The following RBM26 variants were observed in gnomAD, a reference collection of about 807,000 sequenced individuals.
The protein encoded by RBM26 is RNA binding motif protein 26.
In RBM26, 30 loss-of-function variants were observed where a neutral mutation model predicts 123.6. The observed-to-expected ratio is 0.24, with a 90% CI of 0.18 to 0.33. The LOEUF (loss-of-function observed/expected upper bound fraction) is 0.33. RBM26 is among the 10% of genes least tolerant of loss of function. The pLI is 1.00. For synonymous variants in RBM26, 400 were observed against 404.4 expected (o/e 0.99, Z 0.13); for missense variants, 947 against 1,203.6 (o/e 0.79, Z 3.15).
chr13:79,375,216 A>T (rs1391605323), intron 3 of RBM26, among the ~76,000 whole-genome samples: 1 of 138,438 alleles, frequency 7.2e-6, no homozygotes. Context: ...CTTGTCACAC[A>T]GGCTGGAGTG....
intron 4 of RBM26, among the ~76,000 whole-genome samples, 169 bp from the exon 5 acceptor site, chr13:79,371,331 G>A (rs1461556200): frequency 6.6e-6 from 1 of 152,104 alleles, no homozygotes; most frequent in East Asian, 1.9e-4. Context: ...CCTTTTAAAT[G>A]AAAAACAATC....
chr13:79,321,407 A>T (rs2067655404), intron 21 of RBM26, among the ~76,000 whole-genome samples: 1 of 151,522 alleles, frequency 6.6e-6, no homozygotes, highest in South Asian at 2.1e-4. Flanking sequence ...CTCTTCAAAC[A>T]AAATGAAGTG....
At chr13:79,329,406 T>C (rs995348117) in intron 20 of RBM26, among the ~76,000 whole-genome samples, 1 of 152,084 alleles carries the variant, frequency 6.6e-6, no homozygotes, top group Non-Finnish European at 1.5e-5. Context: ...GATGGTAACA[T>C]ACTTAATAGT....
chr13:79,398,228 TA>T (rs2078760284), intron 1 of RBM26, among the ~76,000 whole-genome samples: 1 of 152,210 alleles, frequency 6.6e-6, no homozygotes, highest in South Asian at 2.1e-4. Context: ...TCTTACAAGC[TA>T]TTTAGCTCAA....
chr13:79,396,288 T>C (rs1456815119), intron 1 of RBM26, among the ~76,000 whole-genome samples: 3 of 151,578 alleles, frequency 2.0e-5, no homozygotes. Context: ...AAGGGAATCA[T>C]AAAAATAAAA....
At chr13:79,317,309 A>G (rs2067241778), downstream of RBM26, among the ~76,000 whole-genome samples, 1 of 151,756 alleles carries the variant, frequency 6.6e-6, no homozygotes, top group African/African-American at 2.4e-5. Flanking sequence ...AACAACGATA[A>G]CAGGGAGAAC....
Position 79,359,751 on chromosome 13 carries a change from TACC to T in RBM26, c.1418-68_1418-66del, listed in dbSNP as rs1171326350. The T allele has an allele frequency of 4.7e-3, 3,351 of 707,472 alleles. 19 individuals carry two copies. Among genetic ancestry groups the T allele is most frequent in the South Asian group, 0.029 (1,061 of 36,716 alleles). The allele number at this position is 707,472 out of a possible 1,614,324, so 43.8% of individuals were successfully genotyped here. On this transcript the variant is annotated intron_variant, in intron 9 of 21. Coordinates refer to ENST00000438737, the MANE Select transcript of RBM26 (RefSeq NM_001366735.2). ...GTTAATATTTTCTATTTATCATAGATACCTTCCTCATACAGGAAAATTTCTGGC... is the reference window on the plus strand; with the variant it reads ...GTTAATATTTTCTATTTATCATAGATTTCCTCATACAGGAAAATTTCTGGC...
chr13:79,320,754 AAAG>A (rs1325640950), intron 21 of RBM26, 44 bp from the exon 22 acceptor site: 34 of 1,446,254 alleles, frequency 2.4e-5, no homozygotes, highest in African/African-American at 2.9e-5. Flanking sequence ...AAAAAAAAAA[AAAG>A]AAAAGAAAAA....
In RBM26 at chr13:79,320,620, A is replaced by C; in HGVS notation, c.*1T>G. The stretch of plus-strand genomic sequence containing the variant: ...CATATGCAGATCAATGATCAGTCAA[A>C]TCATCTTCTCCAAGAACGAGATTCA... On this transcript the variant is annotated 3_prime_UTR_variant, in exon 22 of 22. Transcript: ENST00000438737. 2 of 1,591,808 alleles carry C rather than the reference A, an allele frequency of 1.3e-6. No homozygotes were observed. Among genetic ancestry groups the C allele is most frequent in the Non-Finnish European group, 1.7e-6 (2 of 1,170,832 alleles).
chr13:79,371,073 T>A lies in RBM26; in HGVS notation c.506A>T (p.Tyr169Phe). Residue 169 changes from tyrosine to phenylalanine, a missense_variant, in exon 5 of 22, where the codon TAC (tyrosine) becomes TTC (phenylalanine). Tyr to Phe is a conservative substitution (Grantham distance 22). Transcript: ENST00000438737. ...PPRRDSYRDRYNRRRGRSRSY... is the reference protein window; with the variant it reads ...PPRRDSYRDRFNRRRGRSRSY... ...GCGACTCCGCCCTCGTCTTCTATTG[T>A]ACCGGTCTCTGTATGAATCTCTTCG... The A allele has an allele frequency of 6.2e-7, 1 of 1,614,178 alleles. No individual in the cohort carries two copies. The highest frequency in any genetic ancestry group is 8.5e-7 in the Non-Finnish European group (1 of 1,180,002).
At chr13:79,322,930 ATTAATC>A (rs2067856251) in intron 20 of RBM26, among the ~76,000 whole-genome samples, 1 of 151,494 alleles carries the variant, frequency 6.6e-6, no homozygotes, top group African/African-American at 2.4e-5. Flanking sequence ...GTATATAATT[ATTAATC>A]TTTAATAATA....
chr13:79,394,049 T>G (rs2078337140), intron 1 of RBM26, among the ~76,000 whole-genome samples: 1 of 152,226 alleles, frequency 6.6e-6, no homozygotes, highest in South Asian at 2.1e-4. Flanking sequence ...CGGCTTTTAC[T>G]GTGTTTACAC....
Position 79,337,356 on chromosome 13 carries a change from C to T in RBM26, c.2533-54G>A. On this transcript the variant is annotated intron_variant, in intron 18 of 21. Transcript: ENST00000438737. ...CAATGCTGTGATTACTAACACAAGC[C>T]AAGCATTACACTCTGGCAGATGAAT... The T allele has an allele frequency of 2.5e-6, 4 of 1,586,742 alleles. No homozygotes were observed. The South Asian group carries it at 4.4e-5, about 18-fold the overall frequency.
chr13:79,396,747 T>C (rs1332271655), intron 1 of RBM26, among the ~76,000 whole-genome samples: 1 of 152,182 alleles, frequency 6.6e-6, no homozygotes, highest in Non-Finnish European at 1.5e-5. Context: ...TTTAATATTA[T>C]CAAATCTACC....
intron 18 of RBM26, among the ~76,000 whole-genome samples, chr13:79,339,261 G>A (rs2070970164): frequency 6.6e-6 from 1 of 152,152 alleles, no homozygotes; most frequent in South Asian, 2.1e-4. Context: ...GGGCTGTGGG[G>A]ACAGGAAGAA....
rs145226193 is a variant in RBM26 at position 79,354,866 on chromosome 13, T to C, written c.1855-296A>G. Among the ~76,000 whole-genome samples, 298 of 151,922 alleles carry C rather than the reference T, an allele frequency of 2.0e-3. 1 individual carries two copies. Among genetic ancestry groups the C allele is most frequent in the African/African-American group, 7.0e-3 (288 of 41,422 alleles). Reference sequence around the variant, plus strand: ...CTCTAACATTACACACCGATGGGGGTTGGGACAAAAAGGAGGGAGAAAGGG... The same window carrying C: ...CTCTAACATTACACACCGATGGGGGCTGGGACAAAAAGGAGGGAGAAAGGG... On this transcript the variant is annotated intron_variant, in intron 12 of 21. Coordinates refer to ENST00000438737, the MANE Select transcript of RBM26 (RefSeq NM_001366735.2).
At position 79,335,279 on chromosome 13, in the gene RBM26, C is replaced by T. The variant is rs1437277084; in HGVS notation, c.2734-849G>A. Among the ~76,000 whole-genome samples the T allele has an allele frequency of 3.3e-5, 5 of 152,072 alleles. 1 individual carries two copies. Among genetic ancestry groups the T allele is most frequent in the Admixed American group, 6.5e-5 (1 of 15,282 alleles). On this transcript the variant is annotated intron_variant, in intron 19 of 21. Coordinates refer to ENST00000438737, the MANE Select transcript of RBM26 (RefSeq NM_001366735.2). ...AGTTATTAGCTGTGTAAACAAGTTA[C>T]TTAACCTCATCATGCATCATTTTCT...
intron 1 of RBM26, 76 bp downstream of exon 1, chr13:79,405,628 G>A (rs1375560572): frequency 8.6e-6 from 9 of 1,042,464 alleles, no homozygotes; most frequent in African/African-American, 3.2e-5. Context: ...CAGGCACTTG[G>A]GGAAACTGCA....
chr13:79,359,402 T>C (rs1288678091), intron 10 of RBM26, among the ~76,000 whole-genome samples, 173 bp downstream of exon 10: 2 of 152,194 alleles, frequency 1.3e-5, no homozygotes, highest in Non-Finnish European at 2.9e-5. Flanking sequence ...AGAAAATGCT[T>C]TTCTAACATC....
Sources: allele counts gnomAD v4.1 joint callset (sites outside exome capture counted in the v4.1 genomes callset), GRCh38; gene constraint gnomAD v4.1.1; transcripts MANE v1.5; gene names NCBI Gene and HGNC (gene_info 2026-07-23, HGNC 2026-07-21).